Variants in VGLL4 observed in about 807,000 individuals in gnomAD.
VGLL4 encodes the protein vestigial like family member 4.
In VGLL4, 7 loss-of-function variants were observed where a neutral mutation model predicts 21.0. That is an observed-to-expected ratio of 0.33 (90% CI 0.19 to 0.63). The LOEUF (loss-of-function observed/expected upper bound fraction) is 0.63, where lower values mean the gene tolerates loss of function less well. VGLL4 is among the 20% of genes least tolerant of loss of function. VGLL4 has a pLI of 0.78. For missense variants in VGLL4, 394 were observed against 425.7 expected (o/e 0.93, Z 0.66); for synonymous variants, 222 against 173.2 (o/e 1.28, Z -2.21).
chr3:11,590,209 G>A (rs184068892), intron 2 of VGLL4, among the ~76,000 whole-genome samples: 42 of 152,268 alleles, frequency 2.8e-4, no homozygotes, highest in Non-Finnish European at 4.4e-5. Flanking sequence ...AGATGCAGCT[G>A]AGGAAATGAC....
At chr3:11,682,123 G>A (rs2076380800) in intron 2 of VGLL4, among the ~76,000 whole-genome samples, 2 of 152,142 alleles carry the variant, frequency 1.3e-5, no homozygotes, top group East Asian at 3.9e-4. Flanking sequence ...GCCAGGTGTG[G>A]CCGGGTGCAG....
chr3:11,572,759 T>TTA (rs2073826561), intron 2 of VGLL4, among the ~76,000 whole-genome samples: 1 of 152,208 alleles, frequency 6.6e-6, no homozygotes, highest in South Asian at 2.1e-4. Context: ...GAGACCTGGC[T>TTA]TATCCATGTT....
chr3:11,635,569 C>T (rs2075570325), intron 1 of VGLL4, among the ~76,000 whole-genome samples: 1 of 152,172 alleles, frequency 6.6e-6, no homozygotes, highest in Non-Finnish European at 1.5e-5. Context: ...AATATAGAAC[C>T]AAATACTGTA....
At chr3:11,707,587 G>C (rs1169117936) in intron 1 of VGLL4, among the ~76,000 whole-genome samples, 1 of 151,710 alleles carries the variant, frequency 6.6e-6, no homozygotes, top group African/African-American at 2.4e-5. Flanking sequence ...TGGTGGCTCA[G>C]CCATGTAATC....
At chr3:11,661,166 C>T (rs1172672935) in intron 2 of VGLL4, among the ~76,000 whole-genome samples, 13 of 152,088 alleles carry the variant, frequency 8.5e-5, no homozygotes, top group Admixed American at 5.9e-4. Flanking sequence ...CTCTCTGAGG[C>T]GGCTGACTGC....
At chr3:11,577,589 C>A (rs532806639) in intron 2 of VGLL4, among the ~76,000 whole-genome samples, 4 of 151,986 alleles carry the variant, frequency 2.6e-5, no homozygotes, top group Non-Finnish European at 5.9e-5. Context: ...CAAGACCCCA[C>A]CCCCCAAAAA....
intron 2 of VGLL4, among the ~76,000 whole-genome samples, chr3:11,665,073 C>A (rs9874170): frequency 0.017 from 2,463 of 147,548 alleles, 77 homozygotes; most frequent in African/African-American, 0.06. Flanking sequence ...ATGCTGTTCA[C>A]CAAAATGAAA....
chr3:11,696,255 A>C (rs912204619), intron 2 of VGLL4, among the ~76,000 whole-genome samples: 2 of 152,198 alleles, frequency 1.3e-5, no homozygotes, highest in Non-Finnish European at 2.9e-5. Context: ...CTCTGATCAC[A>C]AGTAAACACA....
At chr3:11,592,346 T>C (rs1017496528) in intron 2 of VGLL4, among the ~76,000 whole-genome samples, 2 of 152,216 alleles carry the variant, frequency 1.3e-5, no homozygotes, top group Non-Finnish European at 2.9e-5. Flanking sequence ...TGTTTGTTCC[T>C]GTGGGATTCT....
intron 2 of VGLL4, among the ~76,000 whole-genome samples, chr3:11,656,656 A>T: frequency 6.6e-6 from 1 of 152,086 alleles, no homozygotes; most frequent in East Asian, 1.9e-4. Context: ...GGGAGAGCAC[A>T]CCCCAAGTTC....
chr3:11,665,247 G>A (rs1029135102), intron 2 of VGLL4, among the ~76,000 whole-genome samples: 78 of 151,112 alleles, frequency 5.2e-4, no homozygotes, highest in African/African-American at 1.8e-3. Context: ...CCGAGTAGCT[G>A]GGACTACAGG....
intron 2 of VGLL4, among the ~76,000 whole-genome samples, chr3:11,596,642 T>C (rs1161749387): frequency 1.3e-5 from 2 of 152,202 alleles, no homozygotes; most frequent in African/African-American, 2.4e-5. Flanking sequence ...TCAATAGAAC[T>C]TCTTGTGATG....
At chr3:11,613,536 G>A (rs796984459) in intron 1 of VGLL4, among the ~76,000 whole-genome samples, 27 of 152,238 alleles carry the variant, frequency 1.8e-4, no homozygotes, top group African/African-American at 5.8e-4. Flanking sequence ...GTAATACCTC[G>A]CACGTGGTCC....
rs1485935279 is a variant in VGLL4 at position 11,558,572 on chromosome 3, G to T, written c.875C>A (p.Pro292His). The change falls in exon 5 of 5, where the codon CCC becomes CAC. Residue 292 changes from proline to histidine, a missense_variant. Physicochemically the swap from Pro to His is moderately conservative, Grantham distance 77. Coordinates refer to ENST00000430365, the MANE Select transcript of VGLL4 (RefSeq NM_001128219.3). The stretch of plus-strand genomic sequence containing the variant: ...GCGCTCCCTTCAGGAGACCACAGAG[G>T]GGGAGTGACTGTGGCTGACCATGTG... ...SAHMVSHSHS[P>H]SVVS 5.6e-6 allele frequency: 9 copies of T among 1,602,804 alleles called. No individual in the cohort carries two copies. The highest frequency in any genetic ancestry group is 2.2e-5 in the East Asian group (1 of 44,848).
intron 2 of VGLL4, among the ~76,000 whole-genome samples, chr3:11,680,584 C>T (rs947435545): frequency 6.6e-6 from 1 of 152,160 alleles, no homozygotes; most frequent in African/African-American, 2.4e-5. Flanking sequence ...CATCGCACAA[C>T]GTCTCAGTGC....
intron 3 of VGLL4, among the ~76,000 whole-genome samples, chr3:11,560,734 G>A (rs771286891): frequency 6.6e-6 from 1 of 152,184 alleles, no homozygotes; most frequent in South Asian, 2.1e-4. Context: ...AGAATTCAGG[G>A]TTTCTTAGTG....
intron 2 of VGLL4, among the ~76,000 whole-genome samples, chr3:11,678,814 G>C (rs530618143): frequency 6.6e-6 from 1 of 152,174 alleles, no homozygotes; most frequent in Non-Finnish European, 1.5e-5. Context: ...ATCTAATTTT[G>C]TAAGTACAGT....
intron 2 of VGLL4, among the ~76,000 whole-genome samples, chr3:11,687,507 G>C (rs2076467228): frequency 6.6e-6 from 1 of 152,152 alleles, no homozygotes; most frequent in African/African-American, 2.4e-5. Context: ...TATGGCTCTT[G>C]CTATGTTACC....
intron 3 of VGLL4, among the ~76,000 whole-genome samples, chr3:11,562,824 C>T (rs2073146976): frequency 6.6e-6 from 1 of 152,242 alleles, no homozygotes; most frequent in Non-Finnish European, 1.5e-5. Flanking sequence ...CCCCGTGGCC[C>T]CTGGCTTTGT....
Sources: gnomAD v4.1 joint callset for allele counts (sites outside exome capture counted in the v4.1 genomes callset) on GRCh38, gnomAD v4.1.1 for gene constraint, MANE v1.5 for transcripts, NCBI Gene and HGNC (gene_info 2026-07-23, HGNC 2026-07-21) for gene names.